Variants in OPCML observed in about 807,000 individuals in gnomAD.
OPCML encodes opioid-binding protein/cell adhesion molecule.
Under a neutral mutation model 37.8 loss-of-function variants are expected in OPCML, and 13 were observed. The observed-to-expected ratio is 0.34, with a 90% CI of 0.22 to 0.55. The LOEUF (loss-of-function observed/expected upper bound fraction) is 0.55, where lower values mean the gene tolerates loss of function less well. Among genes scored for constraint, OPCML ranks in the 20% least tolerant of loss-of-function variants. The pLI is 0.91. For missense variants in OPCML, 341 were observed against 435.6 expected, an observed-to-expected ratio of 0.78 and a Z score of 1.93; for synonymous variants, 176 against 168.8, an observed-to-expected ratio of 1.04 and a Z score of -0.33.
chr11:132,984,008 T>C (rs1946640337), intron 1 of OPCML, among the ~76,000 whole-genome samples: 1 of 152,230 alleles, frequency 6.6e-6, no homozygotes, highest in African/African-American at 2.4e-5. Flanking sequence ...GGCCACATTG[T>C]GATAGAGGTC....
chr11:132,652,518 C>T (rs1310593454), intron 3 of OPCML, among the ~76,000 whole-genome samples: 2 of 152,138 alleles, frequency 1.3e-5, no homozygotes, highest in Non-Finnish European at 1.5e-5. Context: ...GTTCAAGACC[C>T]AGCTCTGCTA....
At chr11:132,483,666 A>G (rs2096188860) in intron 4 of OPCML, among the ~76,000 whole-genome samples, 1 of 152,176 alleles carries the variant, frequency 6.6e-6, no homozygotes, top group South Asian at 2.1e-4. Context: ...ACTTCAAACT[A>G]TACTACAAGG....
At chr11:132,646,735 A>T (rs768442655) in intron 3 of OPCML, among the ~76,000 whole-genome samples, 1 of 152,214 alleles carries the variant, frequency 6.6e-6, no homozygotes, top group Non-Finnish European at 1.5e-5. Flanking sequence ...TAGAAATGCG[A>T]ATTACGAGAA....
intron 1 of OPCML, among the ~76,000 whole-genome samples, chr11:133,242,929 A>G (rs1940782874): frequency 6.6e-6 from 1 of 152,270 alleles, no homozygotes; most frequent in Non-Finnish European, 1.5e-5. Context: ...AGAAAAAAAT[A>G]GTAAAAAATA....
intron 1 of OPCML, among the ~76,000 whole-genome samples, chr11:133,195,637 G>A (rs923214837): frequency 6.6e-6 from 1 of 152,136 alleles, no homozygotes; most frequent in Non-Finnish European, 1.5e-5. Flanking sequence ...AGAAGTATAG[G>A]ATTAAAAGTT....
At position 132,457,696 on chromosome 11, in the gene OPCML, G is replaced by A. The variant is rs564283740; in HGVS notation, c.506-20337C>T. 2.0e-5 allele frequency among the ~76,000 whole-genome samples: 3 copies of A among 152,250 alleles called. No individual in the cohort carries two copies. The East Asian group carries it at 5.8e-4, about 30-fold the overall frequency. ...GAACCTTTGTTTCCCTTTCTCTGGT[G>A]CTGTCCATGGCCTGCCACCCAGATT... On this transcript the variant is annotated intron_variant, in intron 4 of 7. Coordinates refer to ENST00000524381, the MANE Select transcript of OPCML (RefSeq NM_001012393.5).
intron 1 of OPCML, among the ~76,000 whole-genome samples, chr11:132,955,309 G>A (rs1394830910): frequency 6.6e-6 from 1 of 152,100 alleles, no homozygotes; most frequent in Non-Finnish European, 1.5e-5. Flanking sequence ...CACTGTTGAT[G>A]ATTAATAAAC....
intron 1 of OPCML, among the ~76,000 whole-genome samples, chr11:133,464,763 T>C (rs2136993314): frequency 6.6e-6 from 1 of 152,152 alleles, no homozygotes; most frequent in Admixed American, 6.5e-5. Context: ...GAAACCTAAG[T>C]GAGAGGTAAC....
intron 3 of OPCML, among the ~76,000 whole-genome samples, chr11:132,585,726 T>A (rs1021305317): frequency 6.6e-6 from 1 of 152,180 alleles, no homozygotes; most frequent in African/African-American, 2.4e-5. Context: ...ATTTGTACAA[T>A]CTAAAGAAAT....
At chr11:132,648,651 G>A (rs1394625634) in intron 3 of OPCML, among the ~76,000 whole-genome samples, 1 of 151,640 alleles carries the variant, frequency 6.6e-6, no homozygotes, top group Non-Finnish European at 1.5e-5. Flanking sequence ...ACGGGCGCAC[G>A]CCACCATGCC....
chr11:133,091,415 C>T (rs1264900189), intron 1 of OPCML, among the ~76,000 whole-genome samples: 1 of 152,194 alleles, frequency 6.6e-6, no homozygotes, highest in Non-Finnish European at 1.5e-5. Context: ...GAGTGCAACG[C>T]CAGCCTGGGA....
chr11:132,917,996 C>T (rs1324872865), intron 2 of OPCML, among the ~76,000 whole-genome samples: 5 of 152,036 alleles, frequency 3.3e-5, no homozygotes, highest in African/African-American at 9.7e-5. Flanking sequence ...TGTGGAGTGG[C>T]CACTTTTAAA....
intron 2 of OPCML, among the ~76,000 whole-genome samples, chr11:132,712,616 C>T (rs1591501509): frequency 6.6e-6 from 1 of 152,144 alleles, no homozygotes; most frequent in African/African-American, 2.4e-5. Context: ...AGCTCCGCGC[C>T]GCGTGTCAAT....
At chr11:132,480,552 C>A (rs1360282619) in intron 4 of OPCML, among the ~76,000 whole-genome samples, 1 of 152,060 alleles carries the variant, frequency 6.6e-6, no homozygotes, top group Non-Finnish European at 1.5e-5. Flanking sequence ...AGAGCAACTC[C>A]AAGACACATA....
chr11:132,770,106 A>C (rs2105808), intron 2 of OPCML, among the ~76,000 whole-genome samples: 39,023 of 151,994 alleles, frequency 0.26, 5,507 homozygotes, highest in Non-Finnish European at 0.33. Flanking sequence ...GAAAAAAAAT[A>C]AGAATTTCAG....
chr11:132,590,043 T>C (rs916899038), intron 3 of OPCML, among the ~76,000 whole-genome samples: 4 of 152,204 alleles, frequency 2.6e-5, no homozygotes, highest in Admixed American at 6.5e-5. Context: ...TTTCTATTTA[T>C]GGGCAATGCA....
chr11:132,929,792 A>G (rs550175668), intron 2 of OPCML, among the ~76,000 whole-genome samples: 1 of 152,302 alleles, frequency 6.6e-6, no homozygotes, highest in South Asian at 2.1e-4. Flanking sequence ...TTGAAGGAAA[A>G]AACAAAACAA....
chr11:132,762,383 C>A lies in OPCML; in HGVS notation c.147-105064G>T, dbSNP rs527370124. 5.3e-5 allele frequency among the ~76,000 whole-genome samples: 8 copies of A among 152,312 alleles called. No individual in the cohort carries two copies. The East Asian group carries it at 1.5e-3, about 29-fold the overall frequency. On this transcript the variant is annotated intron_variant, in intron 2 of 7. Transcript: ENST00000524381. ...TCTCCTCAGACCTGGCAGGCAGGAA[C>A]GTTTAAGTCTGATGAAGCTGCACCC...
intron 2 of OPCML, among the ~76,000 whole-genome samples, chr11:132,666,184 C>T (rs887796834): frequency 6.6e-6 from 1 of 152,148 alleles, no homozygotes. Flanking sequence ...AAGAGGTTTA[C>T]GTGGCTCACG....
Sources: gnomAD v4.1 joint callset for allele counts (sites outside exome capture counted in the v4.1 genomes callset) on GRCh38, gnomAD v4.1.1 for gene constraint, MANE v1.5 for transcripts, NCBI Gene and HGNC (gene_info 2026-07-23, HGNC 2026-07-21) for gene names.